Variants in PDPK1 observed in about 807,000 individuals in gnomAD.
PDPK1 encodes 3-phosphoinositide-dependent protein kinase 1.
In PDPK1, 7 loss-of-function variants were observed where a neutral mutation model predicts 39.8. The ratio of observed to expected loss-of-function variants is 0.18; its 90% CI spans 0.10 to 0.33. The LOEUF is 0.33. PDPK1 is among the 10% of genes least tolerant of loss of function. PDPK1 has a pLI of 1.00. For missense variants in PDPK1, 182 were observed against 384.7 expected (o/e 0.47, Z 4.41); for synonymous variants, 118 against 159.1 (o/e 0.74, Z 1.95).
intron 1 of PDPK1, among the ~76,000 whole-genome samples, chr16:2,544,363 A>G (rs1480420875): frequency 1.3e-5 from 2 of 152,190 alleles, no homozygotes; most frequent in Non-Finnish European, 1.5e-5. Context: ...ACATTGAGCT[A>G]GCAGTGGAGA....
At chr16:2,590,910 A>G (rs544244994) in intron 11 of PDPK1, among the ~76,000 whole-genome samples, 2 of 152,098 alleles carry the variant, frequency 1.3e-5, no homozygotes, top group South Asian at 2.1e-4. Context: ...TGACTTCCCA[A>G]AGTGGTGGGA....
At chr16:2,578,248 C>T (rs2066755431) in intron 7 of PDPK1, 1 of 146,012 alleles carries the variant, frequency 6.8e-6, no homozygotes, top group Non-Finnish European at 1.5e-5. Context: ...AGGAGGCGTC[C>T]AGCAGGCATG....
At position 2,601,482 on chromosome 16, in the gene PDPK1, C is replaced by A. The variant is rs750511319; in HGVS notation, c.*3715C>A. ...AAGCGCTTGGCAGAATCTTGTACTT[C>A]GTGTCCACAATGGTACTGAATTTGC... is the stretch of plus-strand genomic sequence containing the variant. On this transcript the variant is annotated 3_prime_UTR_variant, in exon 14 of 14. Coordinates refer to ENST00000342085, the MANE Select transcript of PDPK1 (RefSeq NM_002613.5). 4.3e-6 allele frequency: 1 copy of A among 234,392 alleles called. No individual in the cohort carries two copies. The highest frequency in any genetic ancestry group is 2.2e-5 in the African/African-American group (1 of 45,316). 14.5% of individuals were successfully genotyped at this position (234,392 alleles called of 1,614,324 possible). A position where few individuals can be genotyped will look rare whatever the true frequency, so the allele number is the denominator to read the frequency against.
In PDPK1 at chr16:2,603,074, T is replaced by G. The variant is rs1381607701; in HGVS notation, c.*5307T>G. 1 of 228,988 alleles carries G rather than the reference T, an allele frequency of 4.4e-6. No individual in the cohort carries two copies. Among genetic ancestry groups the G allele is most frequent in the Non-Finnish European group, 8.7e-6 (1 of 115,382 alleles). The allele number at this position is 228,988 out of a possible 1,614,324, so 14.2% of individuals were successfully genotyped here. A position where few individuals can be genotyped will look rare whatever the true frequency, so the allele number is the denominator to read the frequency against. On this transcript the variant is annotated 3_prime_UTR_variant, in exon 14 of 14. Transcript: ENST00000342085. ...TCAGTGATTTAATCATATAATTTAA[T>G]GAATCTGTTTATCCTTTTTTTTTTT... is the stretch of plus-strand genomic sequence containing the variant.
chr16:2,595,718 G>T lies in PDPK1; in HGVS notation c.1344-75G>T. 3.3e-6 allele frequency: 4 copies of T among 1,197,448 alleles called. No homozygotes were observed. In the South Asian group the frequency reaches 3.6e-5, roughly 11 times the overall value. 74.2% of individuals were successfully genotyped at this position (1,197,448 alleles called of 1,614,324 possible). A position where few individuals can be genotyped will look rare whatever the true frequency, so the allele number is the denominator to read the frequency against. On this transcript the variant is annotated intron_variant, in intron 11 of 13. Transcript: ENST00000342085. ...GGCAGGCCGAGGCTATGGGGAGTTC[G>T]TGTGGCAGGAGGAGCGTGGAGAATT...
Position 2,598,762 on chromosome 16 carries a change from G to GA in PDPK1, c.*997dup, listed in dbSNP as rs2067154293. On this transcript the variant is annotated 3_prime_UTR_variant, in exon 14 of 14. Transcript: ENST00000342085. ...CCAGTTGCTGAAGTAGGGTCTGAGA[G>GA]AACCCTGGCATCAGCAGACCCAGGG... 1 of 233,218 alleles carries GA rather than the reference G, an allele frequency of 4.3e-6. No homozygotes were observed. The highest frequency in any genetic ancestry group is 2.2e-5 in the African/African-American group (1 of 45,326). 14.4% of individuals were successfully genotyped at this position (233,218 alleles called of 1,614,324 possible).
rs1430757462 is a variant in PDPK1 at position 2,593,397 on chromosome 16, TTTA to T, written c.1344-2395_1344-2393del. On this transcript the variant is annotated intron_variant, in intron 11 of 13. Transcript: ENST00000342085. The surrounding 1 kb of genome is among the most constrained non-coding windows in gnomAD (Gnocchi z 4.2). ...GCCCCAGCTGTGGTCCTGGTGGTTT[TTTA>T]GGTGGAGGTGGTTTCGTCCTCTTTC... The T allele has an allele frequency of 3.1e-6, 1 of 324,742 alleles. No individual in the cohort carries two copies. Among genetic ancestry groups the T allele is most frequent in the African/African-American group, 2.2e-5 (1 of 45,136 alleles). The allele number at this position is 324,742 out of a possible 1,614,324, so 20.1% of individuals were successfully genotyped here. A position where few individuals can be genotyped will look rare whatever the true frequency, so the allele number is the denominator to read the frequency against.
At chr16:2,586,118 G>C (rs777103455) in intron 10 of PDPK1, among the ~76,000 whole-genome samples, 5 of 152,228 alleles carry the variant, frequency 3.3e-5, no homozygotes, top group Non-Finnish European at 5.9e-5. Context: ...AACAGGCAGC[G>C]TTATCTACAG....
chr16:2,586,961 T>C, intron 11 of PDPK1, 68 bp downstream of exon 11: 4 of 1,376,142 alleles, frequency 2.9e-6, no homozygotes, highest in Non-Finnish European at 4.1e-6. Context: ...GGGCTTATGG[T>C]GGGTGCCTTT....
At chr16:2,591,081 GC>G (rs1297852744) in intron 11 of PDPK1, among the ~76,000 whole-genome samples, 1 of 151,406 alleles carries the variant, frequency 6.6e-6, no homozygotes, top group African/African-American at 2.4e-5. Flanking sequence ...TCCTGCCTCA[GC>G]CTCCCGAGGA....
intron 1 of PDPK1, among the ~76,000 whole-genome samples, chr16:2,542,614 C>T (rs2066265050): frequency 6.6e-6 from 1 of 152,240 alleles, no homozygotes; most frequent in Non-Finnish European, 1.5e-5. Flanking sequence ...TGTGTGGTTT[C>T]CATCTGATGA....
chr16:2,540,088 A>G (rs540444664), intron 1 of PDPK1, among the ~76,000 whole-genome samples: 171 of 152,264 alleles, frequency 1.1e-3, no homozygotes, highest in Non-Finnish European at 1.5e-3. Context: ...CCTGTCTGTA[A>G]TGGTAGAGGC....
chr16:2,553,334 C>CTT (rs534695281), intron 1 of PDPK1, among the ~76,000 whole-genome samples: 18 of 124,324 alleles, frequency 1.4e-4, no homozygotes, highest in African/African-American at 6.3e-4. Context: ...GTGCCTGGCT[C>CTT]TTTTTTTTTT....
chr16:2,601,802 G>T lies in PDPK1; in HGVS notation c.*4035G>T. 1 of 225,730 alleles carries T rather than the reference G, an allele frequency of 4.4e-6. No individual in the cohort carries two copies. The highest frequency in any genetic ancestry group is 5.9e-5 in the Admixed American group (1 of 17,070). The allele number at this position is 225,730 out of a possible 1,614,324, so 14.0% of individuals were successfully genotyped here. ...GTTGTCCCAGCTGGTGTAGATTTCAGGCCGCCCCCCCCAACTCCCTGCCCA... is the reference window on the plus strand; with the variant it reads ...GTTGTCCCAGCTGGTGTAGATTTCATGCCGCCCCCCCCAACTCCCTGCCCA... On this transcript the variant is annotated 3_prime_UTR_variant, in exon 14 of 14. Transcript: ENST00000342085.
chr16:2,539,514 G>A (rs2141930365), intron 1 of PDPK1: 1 of 152,292 alleles, frequency 6.6e-6, no homozygotes, highest in Non-Finnish European at 1.5e-5. Context: ...GCTGAATTTT[G>A]TAACTACGTC....
chr16:2,596,531 ACTTAG>A (rs1410606722), intron 12 of PDPK1, among the ~76,000 whole-genome samples: 4 of 152,216 alleles, frequency 2.6e-5, no homozygotes, highest in Non-Finnish European at 5.9e-5. Context: ...TGGATCCAGC[ACTTAG>A]CAAGTGGTCT....
At chr16:2,540,768 G>A (rs1162953446) in intron 1 of PDPK1, among the ~76,000 whole-genome samples, 1 of 152,200 alleles carries the variant, frequency 6.6e-6, no homozygotes, top group African/African-American at 2.4e-5. Context: ...TTTGAGGGCC[G>A]ATACTCTGAA....
At chr16:2,586,515 G>T (rs981099568) in intron 10 of PDPK1, among the ~76,000 whole-genome samples, 161 bp from the exon 11 acceptor site, 2 of 152,268 alleles carry the variant, frequency 1.3e-5, no homozygotes, top group African/African-American at 4.8e-5. Flanking sequence ...TCTGTGGCCA[G>T]GTGTCCCATG....
intron 1 of PDPK1, among the ~76,000 whole-genome samples, chr16:2,553,505 A>ATT (rs536659796): frequency 9.5e-6 from 1 of 104,748 alleles, no homozygotes; most frequent in African/African-American, 4.5e-5. Flanking sequence ...CAGCCAGCAG[A>ATT]TTTTTTTTTT....
Sources: gnomAD v4.1 joint callset for allele counts (sites outside exome capture counted in the v4.1 genomes callset) on GRCh38, gnomAD v4.1.1 for gene constraint, Gnocchi (gnomAD v3.1) non-coding constraint, MANE v1.5 for transcripts, NCBI Gene and HGNC (gene_info 2026-07-23, HGNC 2026-07-21) for gene names.